Variants in MARCHF5 observed in about 807,000 individuals in gnomAD.
MARCHF5 encodes E3 ubiquitin-protein ligase MARCHF5.
Under a neutral mutation model 36.5 loss-of-function variants are expected in MARCHF5, and 5 were observed. The observed-to-expected ratio is 0.14, with a 90% CI of 0.07 to 0.29. The LOEUF (loss-of-function observed/expected upper bound fraction) is 0.29. MARCHF5 is among the 10% of genes least tolerant of loss of function. The pLI, the probability that MARCHF5 is intolerant of heterozygous loss-of-function variation, is 1.00. For synonymous variants in MARCHF5, 103 were observed against 109.9 expected, an observed-to-expected ratio of 0.94 and a Z score of 0.39; for missense variants, 179 against 336.3, an observed-to-expected ratio of 0.53 and a Z score of 3.66.
intron 2 of MARCHF5, among the ~76,000 whole-genome samples, chr10:92,319,611 C>A (rs1170360536): frequency 6.7e-6 from 1 of 148,756 alleles, no homozygotes; most frequent in Non-Finnish European, 1.5e-5. Flanking sequence ...TACTTTTTAT[C>A]ATTACTTTTA....
chr10:92,342,770 G>T (rs779903813), intron 3 of MARCHF5, among the ~76,000 whole-genome samples: 4 of 152,164 alleles, frequency 2.6e-5, no homozygotes, highest in Admixed American at 6.5e-5. Flanking sequence ...TAACTCTGTA[G>T]TAGTGAACAC....
intron 5 of MARCHF5, chr10:92,350,325 C>G (rs1843702174): frequency 6.5e-6 from 1 of 154,954 alleles, no homozygotes; most frequent in African/African-American, 2.4e-5. Context: ...GGCATGTAAC[C>G]TGCACGGACC....
chr10:92,311,063 T>G (rs1198454599), intron 1 of MARCHF5, 72 bp from the exon 2 acceptor site: 8 of 1,082,390 alleles, frequency 7.4e-6, no homozygotes, highest in South Asian at 4.2e-5. Context: ...TCCCATTAAG[T>G]AAGAGCTGCA....
intron 2 of MARCHF5, among the ~76,000 whole-genome samples, chr10:92,324,434 T>C (rs1843329411): frequency 6.6e-6 from 1 of 152,164 alleles, no homozygotes; most frequent in Non-Finnish European, 1.5e-5. Flanking sequence ...CAGTCTTGGC[T>C]CACTGCAAGC....
chr10:92,328,819 A>G (rs34126576), intron 2 of MARCHF5, among the ~76,000 whole-genome samples: 1 of 113,766 alleles, frequency 8.8e-6, no homozygotes, highest in South Asian at 2.7e-4. Flanking sequence ...ATATATATAT[A>G]TATTTTTTTT....
chr10:92,337,847 T>G (rs1264995642), intron 2 of MARCHF5, among the ~76,000 whole-genome samples: 1 of 151,530 alleles, frequency 6.6e-6, no homozygotes, highest in Non-Finnish European at 1.5e-5. Context: ...AGAGCGTCGA[T>G]AAATGTTCTC....
intron 2 of MARCHF5, among the ~76,000 whole-genome samples, chr10:92,321,430 G>A (rs1315542721): frequency 2.0e-5 from 3 of 151,946 alleles, no homozygotes; most frequent in African/African-American, 4.8e-5. Context: ...TATTAGACTC[G>A]CCTGGGGTTC....
chr10:92,295,712 G>A (rs971725125), intron 1 of MARCHF5, among the ~76,000 whole-genome samples: 9 of 151,446 alleles, frequency 5.9e-5, no homozygotes, highest in African/African-American at 2.2e-4. Context: ...CTGGCCTGTG[G>A]CAACTTCTTA....
intron 4 of MARCHF5, 23 bp from the exon 5 acceptor site, chr10:92,349,637 ATTAGCACTAAC>A: frequency 6.2e-7 from 1 of 1,605,468 alleles, no homozygotes; most frequent in Non-Finnish European, 8.5e-7. Flanking sequence ...CTTCTGATTT[ATTAGCACTAAC>A]GCACTGCATT....
At chr10:92,343,797 G>A (rs1294719803) in intron 3 of MARCHF5, among the ~76,000 whole-genome samples, 1 of 152,178 alleles carries the variant, frequency 6.6e-6, no homozygotes, top group African/African-American at 2.4e-5. Flanking sequence ...TGGAACTCCT[G>A]ACCTTAGATG....
chr10:92,352,298 T>C lies in MARCHF5; in HGVS notation c.*1091T>C, dbSNP rs1297106971. 1 of 152,216 alleles carries C rather than the reference T, an allele frequency of 6.6e-6. No individual in the cohort carries two copies. Among genetic ancestry groups the C allele is most frequent in the African/African-American group, 2.4e-5 (1 of 41,452 alleles). 9.4% of individuals were successfully genotyped at this position (152,216 alleles called of 1,614,324 possible). On this transcript the variant is annotated 3_prime_UTR_variant, in exon 6 of 6. Transcript: ENST00000358935. ...TTTTATATTAATGAGGAGAAAAGTA[T>C]GAAAACAAGAAGTCTTAAGTAAATA...
At chr10:92,308,883 T>C (rs1366308036) in intron 1 of MARCHF5, among the ~76,000 whole-genome samples, 1 of 152,080 alleles carries the variant, frequency 6.6e-6, no homozygotes, top group African/African-American at 2.4e-5. Flanking sequence ...TTTTTTGTAT[T>C]TTTAGTAGAG....
intron 3 of MARCHF5, among the ~76,000 whole-genome samples, chr10:92,347,523 T>TAGATA (rs58664499): frequency 0.034 from 2,919 of 86,492 alleles, 73 homozygotes; most frequent in East Asian, 0.062. Flanking sequence ...GATAGATAGA[T>TAGATA]GATAGATATA....
chr10:92,340,171 C>T lies in MARCHF5; in HGVS notation c.239-502C>T, dbSNP rs189312961. On this transcript the variant is annotated intron_variant, in intron 2 of 5. Transcript: ENST00000358935. ...AGCTGAAATGACCATTTCACTCTACCGTGGCCAGTATGATTAAGAGATGAA... is the reference window on the plus strand; with the variant it reads ...AGCTGAAATGACCATTTCACTCTACTGTGGCCAGTATGATTAAGAGATGAA... Among the ~76,000 whole-genome samples, 503 of 152,142 alleles carry T rather than the reference C, an allele frequency of 3.3e-3. 2 individuals carry two copies. Among genetic ancestry groups the T allele is most frequent in the South Asian group, 0.018 (88 of 4,820 alleles).
chr10:92,326,142 G>A (rs1327682258), intron 2 of MARCHF5, among the ~76,000 whole-genome samples: 1 of 152,146 alleles, frequency 6.6e-6, no homozygotes, highest in Non-Finnish European at 1.5e-5. Flanking sequence ...CAATTCCTGG[G>A]AGAAACCTTC....
chr10:92,335,505 G>A lies in MARCHF5; in HGVS notation c.239-5168G>A, dbSNP rs369697138. On this transcript the variant is annotated intron_variant, in intron 2 of 5. Transcript: ENST00000358935. ...AGTATTAAGCTAATCTTAGACTAGT[G>A]TCTGGAAAAGCCTTAAGAGATTTAG... Among the ~76,000 whole-genome samples the A allele has an allele frequency of 1.3e-4, 20 of 152,296 alleles. No individual in the cohort carries two copies. In the East Asian group the frequency reaches 3.9e-3, roughly 29 times the overall value.
Position 92,332,515 on chromosome 10 carries a change from CT to C in MARCHF5, c.239-8136del, listed in dbSNP as rs34226671. On this transcript the variant is annotated intron_variant, in intron 2 of 5. Coordinates refer to ENST00000358935, the MANE Select transcript of MARCHF5 (RefSeq NM_017824.5). ...TACTATCGCATTAGGATTCCCCATCCTTTTTTTTTTTTTTTTTTTTTTGAGA... is the reference window on the plus strand; with the variant it reads ...TACTATCGCATTAGGATTCCCCATCCTTTTTTTTTTTTTTTTTTTTTGAGA... 4.2e-3 allele frequency among the ~76,000 whole-genome samples: 399 copies of C among 95,930 alleles called. 1 individual carries two copies. The highest frequency in any genetic ancestry group is 5.3e-3 in the African/African-American group (129 of 24,198). 62.9% of individuals were successfully genotyped at this position (95,930 alleles called of 152,430 possible).
rs141236159 is a variant in MARCHF5 at position 92,329,604 on chromosome 10, A to G, written c.239-11069A>G. Among the ~76,000 whole-genome samples the G allele has an allele frequency of 3.8e-3, 575 of 152,230 alleles. 3 individuals carry two copies. The highest frequency in any genetic ancestry group is 5.9e-3 in the Non-Finnish European group (399 of 68,010). On this transcript the variant is annotated intron_variant, in intron 2 of 5. Coordinates refer to ENST00000358935, the MANE Select transcript of MARCHF5 (RefSeq NM_017824.5). ...TTTCTGCCTGCTCATAAAATATATC[A>G]TTGGTTTATTTCACTACCTAAAAAA...
intron 1 of MARCHF5, among the ~76,000 whole-genome samples, chr10:92,305,104 C>T (rs1270807710): frequency 3.3e-5 from 5 of 152,010 alleles, no homozygotes; most frequent in Non-Finnish European, 5.9e-5. Context: ...TTCTATGTTA[C>T]GGTGAGTTAA....
Sources: gnomAD v4.1 joint callset for allele counts (sites outside exome capture counted in the v4.1 genomes callset) on GRCh38, gnomAD v4.1.1 for gene constraint, MANE v1.5 for transcripts, NCBI Gene and HGNC (gene_info 2026-07-23, HGNC 2026-07-21) for gene names.